IQCM: variants seen among roughly 807,000 people sequenced by gnomAD.
IQCM encodes IQ motif containing M.
In IQCM, 45 loss-of-function variants were observed where a neutral mutation model predicts 57.6. The ratio of observed to expected loss-of-function variants is 0.78; its 90% confidence interval spans 0.62 to 1.00. The LOEUF (loss-of-function observed/expected upper bound fraction) is 1.00. IQCM is among the 50% of genes least tolerant of loss of function. The pLI, the probability that IQCM is intolerant of heterozygous loss-of-function variation, is 0.00. For synonymous variants in IQCM, 148 were observed against 158.9 expected (o/e 0.93, Z 0.51); for missense variants, 468 against 511.6 (o/e 0.91, Z 0.82).
At chr4:149,726,070 T>A (rs1248118619) in intron 5 of IQCM, among the ~76,000 whole-genome samples, 4 of 55,584 alleles carry the variant, frequency 7.2e-5, no homozygotes, top group Admixed American at 6.6e-4. Flanking sequence ...CTCTTCCCTC[T>A]AAAAGAAAGA....
At chr4:149,530,787 A>ACC (rs1227372091) in intron 12 of IQCM, among the ~76,000 whole-genome samples, 1 of 18,410 alleles carries the variant, frequency 5.4e-5, no homozygotes, top group Admixed American at 6.7e-4. Context: ...TCAGACACAG[A>ACC]CACCCCCACC....
At position 149,394,495 on chromosome 4, in the gene IQCM, C is replaced by A. The variant is rs548909744; in HGVS notation, c.1390+38901G>T. Among the ~76,000 whole-genome samples, 28 of 152,048 alleles carry A rather than the reference C, an allele frequency of 1.8e-4. No homozygotes were observed. In the East Asian group the frequency reaches 5.5e-3, roughly 30 times the overall value. ...AATGTTTGGGTTCTCTGTTGTACTG[C>A]GCCTAATTTATGTACCTCCTTAGGT... On this transcript the variant is annotated intron_variant, in intron 13 of 13. Coordinates refer to ENST00000636793, the MANE Select transcript of IQCM (RefSeq NM_001363507.2).
At chr4:149,698,581 T>A (rs1404764478) in intron 5 of IQCM, among the ~76,000 whole-genome samples, 4 of 152,104 alleles carry the variant, frequency 2.6e-5, no homozygotes, top group Non-Finnish European at 4.4e-5. Flanking sequence ...CAAAATGTAC[T>A]ACAAAAACGT....
intron 7 of IQCM, among the ~76,000 whole-genome samples, chr4:149,669,783 T>C (rs1247713147): frequency 3.9e-5 from 6 of 152,142 alleles, no homozygotes; most frequent in Admixed American, 6.5e-5. Flanking sequence ...GATCAGACGG[T>C]TGTAGGTGTG....
At chr4:149,607,904 G>A (rs1490965257) in intron 8 of IQCM, among the ~76,000 whole-genome samples, 1 of 151,818 alleles carries the variant, frequency 6.6e-6, no homozygotes, top group East Asian at 1.9e-4. Context: ...CAAAATGGCA[G>A]TAGTAAGTCC....
At chr4:149,458,218 G>T (rs1265304233) in intron 12 of IQCM, among the ~76,000 whole-genome samples, 2 of 151,910 alleles carry the variant, frequency 1.3e-5, no homozygotes, top group Non-Finnish European at 2.9e-5. Flanking sequence ...AATTACATTA[G>T]CCACCTGAGA....
At chr4:149,517,896 T>C (rs568694046) in intron 12 of IQCM, among the ~76,000 whole-genome samples, 1 of 152,334 alleles carries the variant, frequency 6.6e-6, no homozygotes, top group African/African-American at 2.4e-5. Context: ...AGCTTGTAGA[T>C]GGCCTATTGT....
At chr4:149,768,159 A>G (rs914197561) in intron 2 of IQCM, among the ~76,000 whole-genome samples, 1 of 152,166 alleles carries the variant, frequency 6.6e-6, no homozygotes, top group Non-Finnish European at 1.5e-5. Flanking sequence ...TTGGCTTTAA[A>G]TTAAATATTT....
chr4:149,462,965 C>T (rs1170695863), intron 12 of IQCM, among the ~76,000 whole-genome samples: 1 of 152,142 alleles, frequency 6.6e-6, no homozygotes, highest in Non-Finnish European at 1.5e-5. Context: ...AGTTCTCTGT[C>T]CCTTTTCTAC....
Position 149,620,161 on chromosome 4 carries a change from AC to A in IQCM, c.681+967del, listed in dbSNP as rs1436144571. On this transcript the variant is annotated intron_variant, in intron 8 of 13. Transcript: ENST00000636793. Reference sequence around the variant, plus strand: ...AACAGAGAGAGACTCCGTCTCAAAAACAAAAAAAAAAGAAAAGAAGAAGAAG... The same window carrying A: ...AACAGAGAGAGACTCCGTCTCAAAAAAAAAAAAAAAGAAAAGAAGAAGAAG... 5.7e-3 allele frequency among the ~76,000 whole-genome samples: 806 copies of A among 142,112 alleles called. 24 individuals are homozygous for A. Among genetic ancestry groups the A allele is most frequent in the Admixed American group, 0.052 (738 of 14,320 alleles). 93.2% of individuals were successfully genotyped at this position (142,112 alleles called of 152,430 possible).
chr4:149,701,877 T>A (rs1561174825), intron 5 of IQCM, among the ~76,000 whole-genome samples: 1 of 152,006 alleles, frequency 6.6e-6, no homozygotes, highest in African/African-American at 2.4e-5. Context: ...ACCATACAGT[T>A]CTTATAAAGT....
chr4:149,786,981 T>C (rs1451403714), intron 2 of IQCM, among the ~76,000 whole-genome samples: 1 of 152,130 alleles, frequency 6.6e-6, no homozygotes, highest in Non-Finnish European at 1.5e-5. Context: ...ATATACACCA[T>C]GGAATACTAG....
chr4:149,575,104 T>C (rs1309974999), intron 9 of IQCM, among the ~76,000 whole-genome samples: 1 of 151,966 alleles, frequency 6.6e-6, no homozygotes, highest in Non-Finnish European at 1.5e-5. Context: ...GCTACCAAGC[T>C]GTGTCGAGGG....
At chr4:149,408,822 C>T (rs1004920452) in intron 13 of IQCM, among the ~76,000 whole-genome samples, 1 of 152,074 alleles carries the variant, frequency 6.6e-6, no homozygotes, top group South Asian at 2.1e-4. Flanking sequence ...AGCTGATGCT[C>T]TCAGGTTCAC....
intron 13 of IQCM, among the ~76,000 whole-genome samples, chr4:149,432,009 TTA>T (rs1312418030): frequency 6.6e-6 from 1 of 151,218 alleles, no homozygotes; most frequent in Non-Finnish European, 1.5e-5. Context: ...TATTGCCTAT[TTA>T]TATATATTGT....
intron 2 of IQCM, among the ~76,000 whole-genome samples, chr4:149,799,848 TAAAAAAAC>T (rs111420002): frequency 0.085 from 12,634 of 148,246 alleles, 1,099 homozygotes; most frequent in African/African-American, 0.2. Context: ...AGTCTACCAG[TAAAAAAAC>T]AAAAAAACAA....
chr4:149,737,794 T>C (rs1767077621), intron 3 of IQCM: 1 of 152,230 alleles, frequency 6.6e-6, no homozygotes, highest in African/African-American at 2.4e-5. Flanking sequence ...ATTTACTTCA[T>C]GGAGGAAAGC....
At chr4:149,415,692 T>C (rs1578984343) in intron 13 of IQCM, among the ~76,000 whole-genome samples, 1 of 152,230 alleles carries the variant, frequency 6.6e-6, no homozygotes. Flanking sequence ...TAATAGAATA[T>C]TCCATAATGG....
At chr4:149,544,151 C>A in intron 12 of IQCM, among the ~76,000 whole-genome samples, 1 of 152,130 alleles carries the variant, frequency 6.6e-6, no homozygotes, top group East Asian at 1.9e-4. Flanking sequence ...CTTACCATCT[C>A]TTCTCAATTA....
Sources: gnomAD v4.1 joint callset for allele counts (sites outside exome capture counted in the v4.1 genomes callset) on GRCh38, gnomAD v4.1.1 for gene constraint, MANE v1.5 for transcripts, NCBI Gene and HGNC (gene_info 2026-07-23, HGNC 2026-07-21) for gene names.